Variants in LANCL3 observed in about 807,000 individuals in gnomAD.
LANCL3 encodes the protein LanC like family member 3.
In LANCL3, 19 loss-of-function variants were observed where a neutral mutation model predicts 26.5. That is an observed-to-expected ratio of 0.72 (90% CI 0.50 to 1.05). LANCL3 has a LOEUF of 1.05. LANCL3 is among the 50% of genes least tolerant of loss of function. The pLI, the probability that LANCL3 is intolerant of heterozygous loss-of-function variation, is 0.00. For missense variants in LANCL3, 318 were observed against 362.7 expected, an observed-to-expected ratio of 0.88 and a Z score of 1.00; for synonymous variants, 160 against 166.6, an observed-to-expected ratio of 0.96 and a Z score of 0.30.
chrX:37,619,622 T>A (rs1466794752), intron 1 of LANCL3, among the ~76,000 whole-genome samples: 13 of 112,038 alleles, frequency 1.2e-4, no homozygotes, highest in Admixed American at 1.1e-3. Context: ...GCATACTTTA[T>A]TATTAAATTT....
chrX:37,577,310 A>G (rs1234341937), intron 1 of LANCL3, among the ~76,000 whole-genome samples: 2 of 112,897 alleles, frequency 1.8e-5, no homozygotes, highest in Non-Finnish European at 3.7e-5. Context: ...ATTATATTGC[A>G]ACCATGTTAC....
chrX:37,662,709 A>C (rs1556432803), intron 3 of LANCL3, among the ~76,000 whole-genome samples: 1 of 111,839 alleles, frequency 8.9e-6, no homozygotes, highest in Non-Finnish European at 1.9e-5. Context: ...GCAAAGTCAT[A>C]CATCATTACT....
intron 3 of LANCL3, among the ~76,000 whole-genome samples, chrX:37,661,348 G>A (rs1926418652): frequency 9.0e-6 from 1 of 111,700 alleles, no homozygotes; most frequent in African/African-American, 3.3e-5. Context: ...TACCGTAACA[G>A]TGCAGCATAG....
chrX:37,605,087 C>T (rs1364936150), intron 1 of LANCL3, among the ~76,000 whole-genome samples: 1 of 111,656 alleles, frequency 9.0e-6, no homozygotes, highest in African/African-American at 3.3e-5. Context: ...CCCTTTGTCG[C>T]CATCATCTTT....
At chrX:37,620,264 C>T (rs1175285743) in intron 1 of LANCL3, among the ~76,000 whole-genome samples, 1 of 111,746 alleles carries the variant, frequency 8.9e-6, no homozygotes, top group African/African-American at 3.3e-5. Context: ...ACTGTACATT[C>T]CTAAGAGCCA....
chrX:37,667,539 T>G, intron 4 of LANCL3, 50 bp downstream of exon 4: 1 of 890,230 alleles, frequency 1.1e-6, no homozygotes, highest in Non-Finnish European at 1.5e-6. Context: ...TTAATCTAAT[T>G]ATTTTTCTGA....
chrX:37,589,866 G>A (rs1382020026), intron 1 of LANCL3, among the ~76,000 whole-genome samples: 16 of 111,844 alleles, frequency 1.4e-4, no homozygotes, highest in African/African-American at 5.2e-4. Context: ...GGGCTGGAGG[G>A]AAGCCCTCTG....
At chrX:37,664,041 A>G (rs1223022413) in intron 3 of LANCL3, among the ~76,000 whole-genome samples, 1 of 112,084 alleles carries the variant, frequency 8.9e-6, no homozygotes, top group Admixed American at 9.4e-5. Context: ...TGCATAGCAT[A>G]GCCTCTCATT....
chrX:37,672,774 T>C (rs1265221241), intron 4 of LANCL3, among the ~76,000 whole-genome samples: 3 of 111,969 alleles, frequency 2.7e-5, no homozygotes, highest in African/African-American at 9.7e-5. Flanking sequence ...TTACAACGTC[T>C]TTCTCAGAAC....
chrX:37,595,106 G>T (rs1312364037), intron 1 of LANCL3, among the ~76,000 whole-genome samples: 1 of 111,758 alleles, frequency 8.9e-6, no homozygotes, highest in Non-Finnish European at 1.9e-5. Context: ...TGGACGTACA[G>T]AATCACTTTT....
intron 1 of LANCL3, among the ~76,000 whole-genome samples, chrX:37,583,951 T>G (rs781887901): frequency 1.2e-4 from 13 of 111,756 alleles, no homozygotes; most frequent in South Asian, 7.5e-4. Context: ...ATTGGCTGTG[T>G]GTTTGTCATA....
chrX:37,572,116 C>T lies in LANCL3; in HGVS notation c.246C>T (p.Ser82=), dbSNP rs1296500123. 16 of 1,193,008 alleles carry T rather than the reference C, an allele frequency of 1.3e-5. No homozygotes were observed. In the East Asian group the frequency reaches 4.5e-4, roughly 33 times the overall value. The part of the protein sequence containing the change: ...VAYMLYHVSQ[S]PLFATARERY... The stretch of plus-strand genomic sequence containing the variant: ...ATATGCTCTACCACGTCTCGCAGAG[C>T]CCGCTTTTCGCCACGGCCCGGGAAC... The change falls in exon 1 of 5, where the codon AGC becomes AGT. Residue 82 remains serine (S), a synonymous_variant. Transcript: ENST00000378619.
At chrX:37,586,223 C>G (rs1207136248) in intron 1 of LANCL3, among the ~76,000 whole-genome samples, 2 of 111,732 alleles carry the variant, frequency 1.8e-5, no homozygotes, top group Non-Finnish European at 3.8e-5. Flanking sequence ...TCTGGCTACC[C>G]TTAACGTTTT....
chrX:37,586,491 C>A (rs1450266072), intron 1 of LANCL3, among the ~76,000 whole-genome samples: 2 of 111,530 alleles, frequency 1.8e-5, no homozygotes, highest in African/African-American at 6.5e-5. Flanking sequence ...AGGCTTTGTT[C>A]GTTTCTTTTT....
At chrX:37,640,828 A>G (rs1207532731) in intron 1 of LANCL3, among the ~76,000 whole-genome samples, 2 of 110,756 alleles carry the variant, frequency 1.8e-5, no homozygotes, top group African/African-American at 6.6e-5. Flanking sequence ...AAGGGTGTCA[A>G]TTTACCTTCT....
intron 1 of LANCL3, among the ~76,000 whole-genome samples, chrX:37,581,156 A>G (rs1923882240): frequency 8.9e-6 from 1 of 111,839 alleles, no homozygotes; most frequent in South Asian, 3.7e-4. Context: ...TTTTTCCCCA[A>G]TTTTATGGGG....
intron 1 of LANCL3, among the ~76,000 whole-genome samples, chrX:37,591,726 G>GT (rs1183300515): frequency 2.6e-5 from 2 of 75,559 alleles, no homozygotes; most frequent in Non-Finnish European, 4.3e-5. Flanking sequence ...GCTCCAGCTG[G>GT]TGGTGGGGGG....
intron 1 of LANCL3, among the ~76,000 whole-genome samples, chrX:37,572,846 A>G (rs1208970392): frequency 2.7e-5 from 3 of 111,754 alleles, no homozygotes; most frequent in African/African-American, 9.8e-5. Context: ...AAGTAATGGA[A>G]CTTTTCGGGG....
chrX:37,586,703 C>G (rs1397649125), intron 1 of LANCL3, among the ~76,000 whole-genome samples: 1 of 111,698 alleles, frequency 9.0e-6, no homozygotes, highest in African/African-American at 3.3e-5. Context: ...TTCATCTAAT[C>G]TTCTTTCAAG....
Sources: allele counts gnomAD v4.1 joint callset (sites outside exome capture counted in the v4.1 genomes callset), GRCh38; gene constraint gnomAD v4.1.1; transcripts MANE v1.5; gene names NCBI Gene and HGNC (gene_info 2026-07-23, HGNC 2026-07-21).